Variants in FAM118B observed in about 807,000 individuals in gnomAD.
FAM118B encodes the protein SIR2 antiphage like 1.
In FAM118B, 24 loss-of-function variants were observed where a neutral mutation model predicts 38.5. The ratio of observed to expected loss-of-function variants is 0.62; its 90% confidence interval spans 0.45 to 0.88. FAM118B has a LOEUF of 0.88. FAM118B is among the 40% of genes least tolerant of loss of function. The pLI is 0.00. For missense variants in FAM118B, 334 were observed against 420.0 expected (o/e 0.80, Z 1.79); for synonymous variants, 138 against 156.3 (o/e 0.88, Z 0.87).
intron 1 of FAM118B, among the ~76,000 whole-genome samples, chr11:126,219,517 C>T (rs201528457): frequency 1.3e-5 from 2 of 151,778 alleles, no homozygotes; most frequent in East Asian, 3.9e-4. Context: ...GCATATGCCA[C>T]CACATCTGGC....
Position 126,250,795 on chromosome 11 carries a change from T to G in FAM118B, c.567+62T>G. 7 of 1,290,362 alleles carry G rather than the reference T, an allele frequency of 5.4e-6. No homozygotes were observed. The highest frequency in any genetic ancestry group is 7.6e-6 in the Non-Finnish European group (7 of 921,600). The allele number at this position is 1,290,362 out of a possible 1,614,324, so 79.9% of individuals were successfully genotyped here. Reference sequence around the variant, plus strand: ...TGGATTTTATCTTCCTCAGAAAAGCTCTTTTCTAGTTGGTATATTGGTATT... The same window carrying G: ...TGGATTTTATCTTCCTCAGAAAAGCGCTTTTCTAGTTGGTATATTGGTATT... On this transcript the variant is annotated intron_variant, in intron 5 of 8. Coordinates refer to ENST00000533050, the MANE Select transcript of FAM118B (RefSeq NM_024556.4). This position sits in a 1 kb window ranked among gnomAD's most constrained non-coding sequence, Gnocchi z 5.1.
intron 1 of FAM118B, among the ~76,000 whole-genome samples, chr11:126,226,755 CG>C (rs1298287603): frequency 1.3e-5 from 2 of 152,042 alleles, no homozygotes; most frequent in Non-Finnish European, 2.9e-5. Context: ...CTGAGGCAGG[CG>C]GATCACTTGA....
In FAM118B at chr11:126,252,609, G is replaced by A. The variant is rs1404537633; in HGVS notation, c.568-1696G>A. 6.6e-6 allele frequency among the ~76,000 whole-genome samples: 1 copy of A among 152,164 alleles called. No homozygotes were observed. The highest frequency in any genetic ancestry group is 1.9e-4 in the East Asian group (1 of 5,194). On this transcript the variant is annotated intron_variant, in intron 5 of 8. Coordinates refer to ENST00000533050, the MANE Select transcript of FAM118B (RefSeq NM_024556.4). The surrounding 1 kb of genome is among the most constrained non-coding windows in gnomAD (Gnocchi z 4.7). ...AGTTTAAAAATTAGCCGGGCATGGTGGTGTTTGCCTGTGGTCCCAGCTACT... is the reference window on the plus strand; with the variant it reads ...AGTTTAAAAATTAGCCGGGCATGGTAGTGTTTGCCTGTGGTCCCAGCTACT...
At chr11:126,232,741 C>CTT (rs1370493986) in intron 2 of FAM118B, among the ~76,000 whole-genome samples, 1 of 149,300 alleles carries the variant, frequency 6.7e-6, no homozygotes, top group Non-Finnish European at 1.5e-5. Context: ...ATATTTTTTC[C>CTT]TTAAAAAAAC....
intron 7 of FAM118B, among the ~76,000 whole-genome samples, chr11:126,257,792 G>C (rs1950602601): frequency 1.3e-5 from 2 of 152,098 alleles, no homozygotes; most frequent in Admixed American, 6.5e-5. Context: ...ACGGATAATG[G>C]TGATATTCAA....
At chr11:126,220,565 A>G (rs1950051030) in intron 1 of FAM118B, among the ~76,000 whole-genome samples, 3 of 152,084 alleles carry the variant, frequency 2.0e-5, no homozygotes, top group African/African-American at 7.2e-5. Context: ...AAATTTAAAA[A>G]TTAGCCAGGT....
At chr11:126,217,371 T>C (rs1949993581) in intron 1 of FAM118B, among the ~76,000 whole-genome samples, 1 of 152,230 alleles carries the variant, frequency 6.6e-6, no homozygotes, top group African/African-American at 2.4e-5. Context: ...CTCTATCCCC[T>C]AATATAGTTC....
rs1291643292 is a variant in FAM118B, at chr11:126,211,849, C to CGGGCTG, written c.-77+28_-77+33dup. The CGGGCTG allele has an allele frequency of 4.9e-4, 275 of 560,640 alleles. No individual in the cohort carries two copies. Among genetic ancestry groups the CGGGCTG allele is most frequent in the Admixed American group, 9.3e-4 (27 of 29,162 alleles). 34.7% of individuals were successfully genotyped at this position (560,640 alleles called of 1,614,324 possible). A position where few individuals can be genotyped will look rare whatever the true frequency, so the allele number is the denominator to read the frequency against. The stretch of plus-strand genomic sequence containing the variant: ...AGACTCGGTGAGTGTGTAGGGAAGC[C>CGGGCTG]GGGCTGGGGCTGGGAAATGCCGGTG... On this transcript the variant is annotated intron_variant, in intron 1 of 8. Transcript: ENST00000533050.
upstream of FAM118B, chr11:126,211,763 G>T: frequency 8.9e-7 from 1 of 1,129,808 alleles, no homozygotes; most frequent in Non-Finnish European, 1.2e-6. Context: ...CGTGGGGACG[G>T]TGCGCGCTCA....
In FAM118B at chr11:126,261,501, TCTA is replaced by T. The variant is rs770177844; in HGVS notation, c.1042+21_1042+23del. ...AAATAAGAGGTATACTGTTTCCTAT[TCTA>T]CTATTTATCACTCTGTAGCAGAAAG... On this transcript the variant is annotated intron_variant, in intron 8 of 8. Transcript: ENST00000533050. 96 of 1,602,800 alleles carry T rather than the reference TCTA, an allele frequency of 6.0e-5. No homozygotes were observed. The highest frequency in any genetic ancestry group is 7.4e-5 in the Non-Finnish European group (86 of 1,169,892).
chr11:126,248,942 A>G (rs1276189428), intron 4 of FAM118B, among the ~76,000 whole-genome samples: 1 of 152,254 alleles, frequency 6.6e-6, no homozygotes, highest in African/African-American at 2.4e-5. Flanking sequence ...CCTTCGTCCC[A>G]AGAGCCACTT....
chr11:126,253,043 CAAACA>C lies in FAM118B; in HGVS notation c.568-1259_568-1255del, dbSNP rs1367231551. On this transcript the variant is annotated intron_variant, in intron 5 of 8. Coordinates refer to ENST00000533050, the MANE Select transcript of FAM118B (RefSeq NM_024556.4). The surrounding 1 kb of genome is among the most constrained non-coding windows in gnomAD (Gnocchi z 5.1). ...GACCAAGACTCTGTCTAAAAACAAACAAACAAATGATTGAAATTTTAAAACTAGCA... is the reference window on the plus strand; with the variant it reads ...GACCAAGACTCTGTCTAAAAACAAACAATGATTGAAATTTTAAAACTAGCA... 6.6e-6 allele frequency among the ~76,000 whole-genome samples: 1 copy of C among 152,142 alleles called. No individual in the cohort carries two copies. Among genetic ancestry groups the C allele is most frequent in the Non-Finnish European group, 1.5e-5 (1 of 68,020 alleles).
In FAM118B at chr11:126,254,267, C is replaced by T. The variant is rs745790261; in HGVS notation, c.568-38C>T. The T allele has an allele frequency of 2.3e-5, 37 of 1,603,274 alleles. No homozygotes were observed. In the African/African-American group the frequency reaches 4.4e-4, roughly 19 times the overall value. The stretch of plus-strand genomic sequence containing the variant: ...TTGTGACCTTTAAACAGGTGCTCAG[C>T]CCTGCCAAGCTGGTTGGGCTATATG... On this transcript the variant is annotated intron_variant, in intron 5 of 8. Coordinates refer to ENST00000533050, the MANE Select transcript of FAM118B (RefSeq NM_024556.4).
At chr11:126,239,614 T>C (rs1194964537) in intron 3 of FAM118B, among the ~76,000 whole-genome samples, 1 of 151,992 alleles carries the variant, frequency 6.6e-6, no homozygotes, top group African/African-American at 2.4e-5. Flanking sequence ...TACATACAGG[T>C]TTTCCTTTCC....
chr11:126,219,950 G>C (rs184339712), intron 1 of FAM118B, among the ~76,000 whole-genome samples: 1 of 151,962 alleles, frequency 6.6e-6, no homozygotes, highest in Admixed American at 6.5e-5. Context: ...TAAAGGGGGG[G>C]CTTATATGTA....
intron 2 of FAM118B, chr11:126,233,576 T>C (rs1219785863): frequency 2.7e-6 from 1 of 365,930 alleles, no homozygotes; most frequent in Non-Finnish European, 5.3e-6. Flanking sequence ...TGTCTTCTCC[T>C]GAGCCCCAGC....
chr11:126,258,745 T>C (rs894967542), intron 7 of FAM118B, among the ~76,000 whole-genome samples: 1 of 152,270 alleles, frequency 6.6e-6, no homozygotes, highest in Non-Finnish European at 1.5e-5. Context: ...AAGTTCTACA[T>C]ATTTCTTTTG....
intron 2 of FAM118B, among the ~76,000 whole-genome samples, chr11:126,231,823 G>T (rs1950210400): frequency 6.6e-6 from 1 of 152,174 alleles, no homozygotes; most frequent in African/African-American, 2.4e-5. Flanking sequence ...CAAAATGGTA[G>T]GACAGATCTA....
intron 4 of FAM118B, among the ~76,000 whole-genome samples, chr11:126,248,445 A>G (rs1221253715): frequency 8.3e-6 from 1 of 121,180 alleles, no homozygotes; most frequent in African/African-American, 3.2e-5. Context: ...ATCTTGGCTC[A>G]CTACAACCTC....
Sources: allele counts gnomAD v4.1 joint callset (sites outside exome capture counted in the v4.1 genomes callset), GRCh38; gene constraint gnomAD v4.1.1; non-coding constraint Gnocchi (gnomAD v3.1); transcripts MANE v1.5; gene names NCBI Gene and HGNC (gene_info 2026-07-23, HGNC 2026-07-21).